The following POPDC1 variants were observed in gnomAD, a reference collection of about 807,000 sequenced individuals.
POPDC1 encodes the protein popeye domain cAMP effector 1.
At chr6:105,108,416 T>C in the POPDC1 span, among the ~76,000 whole-genome samples, 2 of 151,978 alleles carry the variant, frequency 1.3e-5, no homozygotes, top group Non-Finnish European at 2.9e-5. Context: ...GGAAGGCAAC[T>C]AGAAATGCCC....
At chr6:105,135,889 G>C in the POPDC1 span, among the ~76,000 whole-genome samples, 1 of 152,180 alleles carries the variant, frequency 6.6e-6, no homozygotes, top group Non-Finnish European at 1.5e-5. Flanking sequence ...TAGGTGGAAA[G>C]AGAAAGGTTA....
At chr6:105,113,059 T>C in the POPDC1 span, among the ~76,000 whole-genome samples, 5 of 151,896 alleles carry the variant, frequency 3.3e-5, no homozygotes, top group Non-Finnish European at 7.4e-5. Context: ...GCCTCCCAAG[T>C]AGATGGGACC....
At chr6:105,103,485 A>C in the POPDC1 span, among the ~76,000 whole-genome samples, 2 of 152,044 alleles carry the variant, frequency 1.3e-5, no homozygotes, top group African/African-American at 2.4e-5. Context: ...AAAAAAAAAA[A>C]GCCCTGGTTT....
the POPDC1 span, chr6:105,133,302 C>A: frequency 6.9e-7 from 1 of 1,453,072 alleles, no homozygotes; most frequent in Non-Finnish European, 9.5e-7. Context: ...TAAAGCCCAT[C>A]TTATGTCAGT....
the POPDC1 span, among the ~76,000 whole-genome samples, chr6:105,130,410 T>C: frequency 1.3e-5 from 2 of 152,192 alleles, no homozygotes; most frequent in Non-Finnish European, 2.9e-5. Context: ...GTATTTGTGA[T>C]TGTTTACTTA....
At chr6:105,107,154 T>C in the POPDC1 span, among the ~76,000 whole-genome samples, 16 of 152,108 alleles carry the variant, frequency 1.1e-4, no homozygotes, top group Non-Finnish European at 1.6e-4. Context: ...ACTCTCTCTG[T>C]CCTTGAGTTC....
the POPDC1 span, among the ~76,000 whole-genome samples, chr6:105,132,322 T>C: frequency 1.3e-5 from 2 of 152,202 alleles, no homozygotes; most frequent in Non-Finnish European, 2.9e-5. Flanking sequence ...ATGCTCAATT[T>C]CCTTCTCTTC....
At chr6:105,116,913 T>C in the POPDC1 span, 1 of 1,551,864 alleles carries the variant, frequency 6.4e-7, no homozygotes, top group Non-Finnish European at 8.8e-7. Flanking sequence ...CATCTATGTA[T>C]ATGAATTATG....
the POPDC1 span, among the ~76,000 whole-genome samples, chr6:105,108,717 C>A: frequency 3.9e-4 from 60 of 152,330 alleles, no homozygotes; most frequent in Admixed American, 1.8e-3. Context: ...TTGAACAGAA[C>A]AAGAGTCATG....
At chr6:105,133,699 T>C in the POPDC1 span, 1 of 716,808 alleles carries the variant, frequency 1.4e-6, no homozygotes, top group Non-Finnish European at 2.3e-6. Context: ...ACTTCTCTAG[T>C]GCTTATGAAT....
chr6:105,105,020 G>A, the POPDC1 span, among the ~76,000 whole-genome samples: 1 of 152,168 alleles, frequency 6.6e-6, no homozygotes, highest in Non-Finnish European at 1.5e-5. Flanking sequence ...GAGAGGGGTG[G>A]CTGCCATGAA....
the POPDC1 span, chr6:105,115,648 C>G: frequency 1.2e-6 from 2 of 1,610,256 alleles, no homozygotes; most frequent in African/African-American, 2.7e-5. Context: ...AGATACCCAT[C>G]AGAACTCTGG....
At chr6:105,106,448 T>C in the POPDC1 span, among the ~76,000 whole-genome samples, 1 of 152,186 alleles carries the variant, frequency 6.6e-6, no homozygotes, top group South Asian at 2.1e-4. Context: ...TCAAGGACCC[T>C]GAGCACATGC....
At chr6:105,130,631 A>G in the POPDC1 span, among the ~76,000 whole-genome samples, 1 of 152,194 alleles carries the variant, frequency 6.6e-6, no homozygotes, top group Admixed American at 6.5e-5. Context: ...TGTGAACATC[A>G]GAGACTATAC....
chr6:105,098,109 A>G, the POPDC1 span: 1 of 152,322 alleles, frequency 6.6e-6, no homozygotes, highest in South Asian at 2.1e-4. Flanking sequence ...AACTTTGATC[A>G]TTCAGCTAAG....
chr6:105,134,928 G>T, the POPDC1 span, among the ~76,000 whole-genome samples: 1 of 152,090 alleles, frequency 6.6e-6, no homozygotes, highest in East Asian at 1.9e-4. Flanking sequence ...GATGGCGGGG[G>T]GGAAGATCAT....
At chr6:105,107,064 G>A in the POPDC1 span, among the ~76,000 whole-genome samples, 1 of 151,598 alleles carries the variant, frequency 6.6e-6, no homozygotes, top group Admixed American at 6.6e-5. Context: ...CCTATTTTTT[G>A]TATCCATTAA....
At chr6:105,111,874 A>G in the POPDC1 span, among the ~76,000 whole-genome samples, 3 of 152,192 alleles carry the variant, frequency 2.0e-5, no homozygotes, top group Non-Finnish European at 4.4e-5. Context: ...AAAGTTATGA[A>G]GTATATTTGT....
chr6:105,125,230 A>G, the POPDC1 span, among the ~76,000 whole-genome samples: 1 of 152,228 alleles, frequency 6.6e-6, no homozygotes, highest in Non-Finnish European at 1.5e-5. Context: ...GTTGCTCTAT[A>G]GCATTGTAAA....
Sources: gnomAD v4.1 joint callset for allele counts (sites outside exome capture counted in the v4.1 genomes callset) on GRCh38, gnomAD v4.1.1 for gene constraint, MANE v1.5 for transcripts, NCBI Gene and HGNC (gene_info 2026-07-23, HGNC 2026-07-21) for gene names.